Variants in ERBB4 observed in about 807,000 individuals in gnomAD.
ERBB4 encodes the protein receptor tyrosine-protein kinase erbB-4.
A neutral mutation model predicts 158.0 loss-of-function variants in ERBB4; 42 were observed. The observed-to-expected ratio is 0.27, with a 90% CI of 0.21 to 0.34. ERBB4 has a LOEUF of 0.34. Among genes scored for constraint, ERBB4 ranks in the 10% least tolerant of loss-of-function variants. ERBB4 has a pLI of 1.00. For synonymous variants in ERBB4, 583 were observed against 558.7 expected (o/e 1.04, Z -0.61); for missense variants, 1,333 against 1,624.1 (o/e 0.82, Z 3.08).
At chr2:211,423,970 T>C (rs1453086533) in intron 23 of ERBB4, among the ~76,000 whole-genome samples, 185 bp downstream of exon 23, 1 of 152,016 alleles carries the variant, frequency 6.6e-6, no homozygotes, top group African/African-American at 2.4e-5. Context: ...TTTGACTTCA[T>C]AGCATGGAAG....
chr2:212,350,677 TTA>T (rs1345054355), intron 1 of ERBB4, among the ~76,000 whole-genome samples: 4 of 152,122 alleles, frequency 2.6e-5, no homozygotes, highest in African/African-American at 9.7e-5. Context: ...ACACAAATAT[TTA>T]TGTCATGAGT....
chr2:212,072,254 T>C (rs1237212937), intron 2 of ERBB4, among the ~76,000 whole-genome samples: 1 of 151,958 alleles, frequency 6.6e-6, no homozygotes, highest in Non-Finnish European at 1.5e-5. Flanking sequence ...CTATTTCTAG[T>C]TTTATAATTG....
At chr2:212,328,164 A>G (rs1458257360) in intron 1 of ERBB4, among the ~76,000 whole-genome samples, 1 of 151,918 alleles carries the variant, frequency 6.6e-6, no homozygotes, top group Non-Finnish European at 1.5e-5. Context: ...AGATGGCTTC[A>G]ATCATGTTTG....
chr2:211,584,914 T>C (rs886997869), intron 19 of ERBB4, among the ~76,000 whole-genome samples: 2 of 152,108 alleles, frequency 1.3e-5, no homozygotes, highest in Non-Finnish European at 2.9e-5. Context: ...AAACATGTTT[T>C]ATTTATTTGT....
intron 2 of ERBB4, among the ~76,000 whole-genome samples, chr2:212,107,875 A>G (rs2125533037): frequency 6.6e-6 from 1 of 152,316 alleles, no homozygotes; most frequent in South Asian, 2.1e-4. Context: ...GCTGCCAGGT[A>G]AAACATGCCT....
chr2:212,120,113 T>C (rs1017190414), intron 2 of ERBB4, among the ~76,000 whole-genome samples: 27 of 152,188 alleles, frequency 1.8e-4, no homozygotes, highest in African/African-American at 6.5e-4. Context: ...AAATGAATGG[T>C]TCCCCAAATT....
intron 20 of ERBB4, among the ~76,000 whole-genome samples, chr2:211,488,156 C>A (rs2065254047): frequency 6.6e-6 from 1 of 151,846 alleles, no homozygotes; most frequent in Non-Finnish European, 1.5e-5. Flanking sequence ...ACTAAACAAA[C>A]CCAGCAATGT....
At chr2:211,954,305 G>A (rs1039289939) in intron 2 of ERBB4, among the ~76,000 whole-genome samples, 12 of 151,920 alleles carry the variant, frequency 7.9e-5, no homozygotes, top group Non-Finnish European at 1.3e-4. Flanking sequence ...GCAATTACAT[G>A]TTCCTAGCTA....
intron 20 of ERBB4, among the ~76,000 whole-genome samples, chr2:211,482,287 A>G (rs2065103337): frequency 6.6e-6 from 1 of 152,180 alleles, no homozygotes; most frequent in Non-Finnish European, 1.5e-5. Context: ...ATAAGCCCTA[A>G]ATAATCTCTG....
intron 13 of ERBB4, among the ~76,000 whole-genome samples, chr2:211,677,735 G>T (rs946705456): frequency 2.6e-5 from 4 of 151,594 alleles, no homozygotes; most frequent in African/African-American, 9.7e-5. Flanking sequence ...TTAGCCGGGC[G>T]TGGTGGCGGG....
rs565364930 is a variant in ERBB4 at position 211,925,969 on chromosome 2, G to A, written c.421+21461C>T. Among the ~76,000 whole-genome samples, 13 of 152,192 alleles carry A rather than the reference G, an allele frequency of 8.5e-5. No individual in the cohort carries two copies. The East Asian group carries it at 2.3e-3, about 27-fold the overall frequency. On this transcript the variant is annotated intron_variant, in intron 3 of 27. Transcript: ENST00000342788. ...TAGAACCAGATAAAACTGAAATGCA[G>A]TAGTAAGAAATTTCAAGCTTCACAG... is the stretch of plus-strand genomic sequence containing the variant.
chr2:212,030,567 G>T (rs912631565), intron 2 of ERBB4, among the ~76,000 whole-genome samples: 2 of 152,100 alleles, frequency 1.3e-5, no homozygotes, highest in Non-Finnish European at 2.9e-5. Flanking sequence ...AGAAACAAGG[G>T]TAGGGAAATA....
At chr2:212,126,390 G>A (rs993997335) in intron 1 of ERBB4, among the ~76,000 whole-genome samples, 2 of 149,192 alleles carry the variant, frequency 1.3e-5, no homozygotes, top group African/African-American at 5.0e-5. Flanking sequence ...AATCTGGGAG[G>A]AGGAGGTTGC....
intron 5 of ERBB4, among the ~76,000 whole-genome samples, chr2:211,731,268 TCA>T (rs898899598): frequency 1.3e-5 from 2 of 152,146 alleles, no homozygotes; most frequent in African/African-American, 4.8e-5. Context: ...AAATTTTATT[TCA>T]GTTTTTATTC....
intron 1 of ERBB4, among the ~76,000 whole-genome samples, chr2:212,184,416 T>A (rs111468261): frequency 6.6e-5 from 10 of 152,218 alleles, no homozygotes; most frequent in African/African-American, 2.4e-4. Flanking sequence ...AGGCTCTGAA[T>A]TGGTTGATTT....
chr2:212,399,452 T>C (rs1183622079), intron 1 of ERBB4, among the ~76,000 whole-genome samples: 2 of 150,638 alleles, frequency 1.3e-5, no homozygotes, highest in Admixed American at 6.7e-5. Flanking sequence ...TTCTGCACAA[T>C]GGTGATCACT....
At chr2:211,817,762 A>G (rs1390450551) in intron 3 of ERBB4, among the ~76,000 whole-genome samples, 1 of 152,184 alleles carries the variant, frequency 6.6e-6, no homozygotes, top group African/African-American at 2.4e-5. Flanking sequence ...GTAAGAGATG[A>G]GCCCTTATCT....
chr2:212,487,862 T>A (rs1165149210), intron 1 of ERBB4, among the ~76,000 whole-genome samples: 1 of 152,148 alleles, frequency 6.6e-6, no homozygotes, highest in Non-Finnish European at 1.5e-5. Flanking sequence ...AAAATTATGA[T>A]GTATTTGTCT....
At position 211,862,472 on chromosome 2, in the gene ERBB4, T is replaced by C. The variant is rs576322003; in HGVS notation, c.422-74313A>G. ...TTTTCCAGAGATTCCTGTTCAAACA[T>C]AACTTCTACAGAATATGTTCATAAG... On this transcript the variant is annotated intron_variant, in intron 3 of 27. Transcript: ENST00000342788. Among the ~76,000 whole-genome samples, 10 of 152,282 alleles carry C rather than the reference T, an allele frequency of 6.6e-5. No homozygotes were observed. The South Asian group carries it at 1.9e-3, about 28-fold the overall frequency.
Sources: allele counts gnomAD v4.1 joint callset (sites outside exome capture counted in the v4.1 genomes callset), GRCh38; gene constraint gnomAD v4.1.1; transcripts MANE v1.5; gene names NCBI Gene and HGNC (gene_info 2026-07-23, HGNC 2026-07-21).